KATNAL1: variants seen among roughly 807,000 people sequenced by gnomAD.
KATNAL1 encodes katanin catalytic subunit A1 like 1.
In KATNAL1, 32 loss-of-function variants were observed where a neutral mutation model predicts 55.2. That is an observed-to-expected ratio of 0.58 (90% CI 0.44 to 0.78). The LOEUF (loss-of-function observed/expected upper bound fraction) is 0.78. KATNAL1 is among the 30% of genes least tolerant of loss of function. The pLI, the probability that KATNAL1 is intolerant of heterozygous loss-of-function variation, is 0.00. For missense variants in KATNAL1, 466 were observed against 600.9 expected, an observed-to-expected ratio of 0.78 and a Z score of 2.35; for synonymous variants, 193 against 193.6, an observed-to-expected ratio of 1.00 and a Z score of 0.02.
chr13:30,209,514 T>C (rs1406940896), intron 10 of KATNAL1, among the ~76,000 whole-genome samples: 1 of 152,094 alleles, frequency 6.6e-6, no homozygotes, highest in Non-Finnish European at 1.5e-5. Flanking sequence ...GCTACTAAAG[T>C]CAATTTAAGT....
At chr13:30,251,271 T>C (rs1336717387) in intron 4 of KATNAL1, among the ~76,000 whole-genome samples, 1 of 152,220 alleles carries the variant, frequency 6.6e-6, no homozygotes, top group Non-Finnish European at 1.5e-5. Flanking sequence ...ATCCTTTCGT[T>C]ACTTCTATGT....
Position 30,203,779 on chromosome 13 carries a change from A to T in KATNAL1, c.*4761T>A, listed in dbSNP as rs557696320. 173 of 152,312 alleles carry T rather than the reference A, an allele frequency of 1.1e-3. 1 individual carries two copies. Among genetic ancestry groups the T allele is most frequent in the African/African-American group, 3.9e-3 (162 of 41,580 alleles). 9.4% of individuals were successfully genotyped at this position (152,312 alleles called of 1,614,324 possible). ...CAAAAAACCTAATAAAAATTCAAAG[A>T]TCTATTTGTTAATGAGGTGAATGTT... On this transcript the variant is annotated 3_prime_UTR_variant, in exon 11 of 11. Coordinates refer to ENST00000380615, the MANE Select transcript of KATNAL1 (RefSeq NM_032116.5).
At chr13:30,304,330 C>A (rs556402344) in intron 1 of KATNAL1, among the ~76,000 whole-genome samples, 1 of 151,274 alleles carries the variant, frequency 6.6e-6, no homozygotes, top group East Asian at 1.9e-4. Flanking sequence ...AGTGCAGCAG[C>A]ATGATCTTGG....
chr13:30,221,312 T>G (rs907550481), intron 9 of KATNAL1, among the ~76,000 whole-genome samples: 1 of 152,228 alleles, frequency 6.6e-6, no homozygotes, highest in Non-Finnish European at 1.5e-5. Flanking sequence ...AGAAAACTGT[T>G]TGCATGTATT....
chr13:30,253,775 T>A (rs796238021), intron 4 of KATNAL1, among the ~76,000 whole-genome samples: 12 of 152,346 alleles, frequency 7.9e-5, no homozygotes, highest in African/African-American at 2.9e-4. Context: ...TCTGGATCTC[T>A]TTTGGTAAAT....
chr13:30,246,126 T>C (rs537813010), intron 4 of KATNAL1, among the ~76,000 whole-genome samples: 170 of 152,136 alleles, frequency 1.1e-3, no homozygotes, highest in Non-Finnish European at 2.1e-3. Context: ...GGAGGCATCA[T>C]GCTACCTTGA....
intron 4 of KATNAL1, among the ~76,000 whole-genome samples, chr13:30,251,845 A>G (rs1878349718): frequency 6.6e-6 from 1 of 152,230 alleles, no homozygotes; most frequent in South Asian, 2.1e-4. Context: ...AGTACTAACT[A>G]GCCTTATGGA....
At chr13:30,224,638 AT>A (rs1367807073) in intron 9 of KATNAL1, among the ~76,000 whole-genome samples, 3 of 152,106 alleles carry the variant, frequency 2.0e-5, no homozygotes, top group Admixed American at 1.3e-4. Flanking sequence ...CAAAAAAAAA[AT>A]TTTTTTAACA....
intron 1 of KATNAL1, among the ~76,000 whole-genome samples, chr13:30,288,697 C>G (rs1881951025): frequency 6.6e-6 from 1 of 152,314 alleles, no homozygotes; most frequent in Non-Finnish European, 1.5e-5. Context: ...AGATTGACAG[C>G]AGTTTCTCAC....
chr13:30,217,613 A>G (rs1312201113), intron 9 of KATNAL1, among the ~76,000 whole-genome samples: 1 of 152,212 alleles, frequency 6.6e-6, no homozygotes, highest in African/African-American at 2.4e-5. Context: ...TACACTCCTT[A>G]TACAACTCCT....
intron 5 of KATNAL1, 136 bp downstream of exon 5, chr13:30,240,823 T>C (rs1877193941): frequency 4.7e-6 from 4 of 849,330 alleles, no homozygotes; most frequent in Non-Finnish European, 7.1e-6. Flanking sequence ...CAGAACTGTC[T>C]CGTCAATTCT....
chr13:30,265,920 G>A (rs1879740774), intron 3 of KATNAL1, among the ~76,000 whole-genome samples: 1 of 148,846 alleles, frequency 6.7e-6, no homozygotes, highest in Non-Finnish European at 1.5e-5. Context: ...GCGGGGGCAG[G>A]AGAATTGCTT....
At chr13:30,287,936 G>C (rs1368845483) in intron 1 of KATNAL1, among the ~76,000 whole-genome samples, 1 of 152,104 alleles carries the variant, frequency 6.6e-6, no homozygotes, top group Admixed American at 6.5e-5. Context: ...CTTATATAAT[G>C]AGACAAAAAA....
At chr13:30,293,121 T>C (rs920074444) in intron 1 of KATNAL1, among the ~76,000 whole-genome samples, 7 of 152,266 alleles carry the variant, frequency 4.6e-5, no homozygotes, top group Middle Eastern at 3.4e-3. Flanking sequence ...CTGAATTTCA[T>C]TAAAAATTTC....
Position 30,214,454 on chromosome 13 carries a change from C to G in KATNAL1, c.1148-4012G>C, listed in dbSNP as rs528853252. 2.8e-3 allele frequency among the ~76,000 whole-genome samples: 432 copies of G among 152,112 alleles called. 4 individuals are homozygous for G. Among genetic ancestry groups the G allele is most frequent in the African/African-American group, 9.9e-3 (410 of 41,466 alleles). ...GTTCATATGGAACCAAAAAAGAGCCCACGTCGCCAAGTCAATCCTAAGCCA... is the reference window on the plus strand; with the variant it reads ...GTTCATATGGAACCAAAAAAGAGCCGACGTCGCCAAGTCAATCCTAAGCCA... On this transcript the variant is annotated intron_variant, in intron 9 of 10. Transcript: ENST00000380615.
At chr13:30,239,503 CG>C (rs1444419921) in intron 6 of KATNAL1, among the ~76,000 whole-genome samples, 1 of 151,916 alleles carries the variant, frequency 6.6e-6, no homozygotes, top group Non-Finnish European at 1.5e-5. Flanking sequence ...TTTAAAAAAA[CG>C]TAATAGTTCT....
intron 4 of KATNAL1, among the ~76,000 whole-genome samples, chr13:30,252,005 A>T (rs949776024): frequency 6.6e-6 from 1 of 152,240 alleles, no homozygotes; most frequent in Non-Finnish European, 1.5e-5. Context: ...GAAAAAAGAC[A>T]TAATCAGTCT....
rs1458833725 is a variant in KATNAL1 at position 30,207,373 on chromosome 13, CA to C, written c.*1166del. On this transcript the variant is annotated 3_prime_UTR_variant, in exon 11 of 11. Coordinates refer to ENST00000380615, the MANE Select transcript of KATNAL1 (RefSeq NM_032116.5). ...TAAAAGTTCTCAACCTAGACAAGGACAAATTTTAGAATTTTCCAATGAACAT... is the reference window on the plus strand; with the variant it reads ...TAAAAGTTCTCAACCTAGACAAGGACAATTTTAGAATTTTCCAATGAACAT... 6.6e-6 allele frequency: 1 copy of C among 152,194 alleles called. No homozygotes were observed. Among genetic ancestry groups the C allele is most frequent in the African/African-American group, 2.4e-5 (1 of 41,454 alleles). The allele number at this position is 152,194 out of a possible 1,614,324, so 9.4% of individuals were successfully genotyped here.
At chr13:30,242,398 T>A (rs1339997770) in intron 4 of KATNAL1, among the ~76,000 whole-genome samples, 1 of 152,148 alleles carries the variant, frequency 6.6e-6, no homozygotes, top group Admixed American at 6.5e-5. Flanking sequence ...ACAGTAAATA[T>A]TTGGGCATCT....
Sources: allele counts gnomAD v4.1 joint callset (sites outside exome capture counted in the v4.1 genomes callset), GRCh38; gene constraint gnomAD v4.1.1; transcripts MANE v1.5; gene names NCBI Gene and HGNC (gene_info 2026-07-23, HGNC 2026-07-21).